Variants in KIRREL3 observed in about 807,000 individuals in gnomAD.
KIRREL3 encodes kin of IRRE-like protein 3.
A neutral mutation model predicts 89.7 loss-of-function variants in KIRREL3; 36 were observed. The ratio of observed to expected loss-of-function variants is 0.40; its 90% CI spans 0.31 to 0.53. The LOEUF (loss-of-function observed/expected upper bound fraction) is 0.53, where lower values mean the gene tolerates loss of function less well. Ranked by LOEUF, KIRREL3 falls within the 20% of genes least tolerant of loss-of-function variation. The probability of loss-of-function intolerance (pLI) is 0.49; values close to 1 mark genes in which losing one functional copy is unlikely to be tolerated. For missense variants in KIRREL3, 864 were observed against 1,056.6 expected (o/e 0.82, Z 2.53); for synonymous variants, 445 against 441.4 (o/e 1.01, Z -0.10).
In KIRREL3 at chr11:126,641,397, C is replaced by T. The variant is rs1944463951; in HGVS notation, c.56-78485G>A. Among the ~76,000 whole-genome samples, 1 of 112,346 alleles carries T rather than the reference C, an allele frequency of 8.9e-6. No individual in the cohort carries two copies. The highest frequency in any genetic ancestry group is 1.9e-5 in the Non-Finnish European group (1 of 52,548). 73.7% of individuals were successfully genotyped at this position (112,346 alleles called of 152,430 possible). Reference sequence around the variant, plus strand: ...GAGCCTCTTGGTGGTCACAAAGCTACTTGCCACTCTCATCAGATCAGGGTG... The same window carrying T: ...GAGCCTCTTGGTGGTCACAAAGCTATTTGCCACTCTCATCAGATCAGGGTG... On this transcript the variant is annotated intron_variant, in intron 1 of 16. Coordinates refer to ENST00000525144, the MANE Select transcript of KIRREL3 (RefSeq NM_032531.4). This position sits in a 1 kb window ranked among gnomAD's most constrained non-coding sequence, Gnocchi z 5.0.
intron 1 of KIRREL3, among the ~76,000 whole-genome samples, chr11:126,604,829 C>T (rs1942820973): frequency 6.6e-6 from 1 of 152,156 alleles, no homozygotes; most frequent in African/African-American, 2.4e-5. Flanking sequence ...CTAGACTCAC[C>T]CCAGAGCTGC....
chr11:126,659,299 T>C (rs1027181964), intron 1 of KIRREL3, among the ~76,000 whole-genome samples: 10 of 152,244 alleles, frequency 6.6e-5, no homozygotes, highest in Non-Finnish European at 1.5e-4. Flanking sequence ...TGACACCTCA[T>C]AGGATTAAGA....
rs561760921 is a variant in KIRREL3 at position 126,515,406 on chromosome 11, T to G, written c.433+5909A>C. Among the ~76,000 whole-genome samples, 64 of 152,136 alleles carry G rather than the reference T, an allele frequency of 4.2e-4. No homozygotes were observed. The South Asian group carries it at 0.013, about 31-fold the overall frequency. ...TCGAGGCTGCAGTGAGCCATAATAG[T>G]GCCACTGCACTTCAGTCTGGATGAC... On this transcript the variant is annotated intron_variant, in intron 4 of 16. Transcript: ENST00000525144. This position sits in a 1 kb window ranked among gnomAD's most constrained non-coding sequence, Gnocchi z 4.2.
In KIRREL3 at chr11:126,541,692, A is replaced by G. The variant is rs1938379417; in HGVS notation, c.134-15005T>C. 6.6e-6 allele frequency among the ~76,000 whole-genome samples: 1 copy of G among 152,174 alleles called. No individual in the cohort carries two copies. The highest frequency in any genetic ancestry group is 2.4e-5 in the African/African-American group (1 of 41,434). ...GCTGGGTCAAGGAATCTGCATTTTA[A>G]TAGCTTCTGGGTCATCCTTCTGCAG... On this transcript the variant is annotated intron_variant, in intron 2 of 16. Transcript: ENST00000525144. The surrounding 1 kb of genome is among the most constrained non-coding windows in gnomAD (Gnocchi z 4.8).
intron 7 of KIRREL3, among the ~76,000 whole-genome samples, chr11:126,450,395 ATGTGTGAGTG>A (rs1241357924): frequency 8.6e-6 from 1 of 116,212 alleles, no homozygotes; most frequent in Admixed American, 8.7e-5. Flanking sequence ...GAGTGTGGGT[ATGTGTGAGTG>A]TGTGCATGTG....
At chr11:126,881,685 T>C (rs1945503763) in intron 1 of KIRREL3, among the ~76,000 whole-genome samples, 1 of 152,142 alleles carries the variant, frequency 6.6e-6, no homozygotes, top group Admixed American at 6.5e-5. Flanking sequence ...GTAGCTGTGA[T>C]TACAGGTACC....
At chr11:126,716,128 G>A (rs910058771) in intron 1 of KIRREL3, among the ~76,000 whole-genome samples, 12 of 151,942 alleles carry the variant, frequency 7.9e-5, no homozygotes, top group African/African-American at 2.9e-4. Flanking sequence ...AGACAGGAGG[G>A]GAGAAGGAGG....
Position 126,883,112 on chromosome 11 carries a change from T to G in KIRREL3, c.55+117343A>C, listed in dbSNP as rs1166820316. ...TGACAGCAGGTAGGGTTTGTTACTT[T>G]AATTCACTTTGCCTTTCTCTTCTGA... On this transcript the variant is annotated intron_variant, in intron 1 of 16. Coordinates refer to ENST00000525144, the MANE Select transcript of KIRREL3 (RefSeq NM_032531.4). The surrounding 1 kb of genome is among the most constrained non-coding windows in gnomAD (Gnocchi z 4.1). Among the ~76,000 whole-genome samples, 1 of 152,226 alleles carries G rather than the reference T, an allele frequency of 6.6e-6. No individual in the cohort carries two copies. The highest frequency in any genetic ancestry group is 2.4e-5 in the African/African-American group (1 of 41,464).
rs905772086 is a variant in KIRREL3 at position 126,508,577 on chromosome 11, C to T, written c.433+12738G>A. Among the ~76,000 whole-genome samples, 1 of 152,052 alleles carries T rather than the reference C, an allele frequency of 6.6e-6. No homozygotes were observed. The highest frequency in any genetic ancestry group is 1.9e-4 in the East Asian group (1 of 5,168). ...GCAGGGCTCCTGGAGTTCCCAGGGG[C>T]TAGGAAGAAACCTGTTTCATAGTGA... On this transcript the variant is annotated intron_variant, in intron 4 of 16. Transcript: ENST00000525144. This position sits in a 1 kb window ranked among gnomAD's most constrained non-coding sequence, Gnocchi z 4.9.
At chr11:126,974,852 T>C (rs1949525105) in intron 1 of KIRREL3, among the ~76,000 whole-genome samples, 1 of 152,152 alleles carries the variant, frequency 6.6e-6, no homozygotes, top group Admixed American at 6.5e-5. Flanking sequence ...ACTACAGGTG[T>C]GCACCACCAT....
Position 126,474,758 on chromosome 11 carries a change from G to C in KIRREL3, c.434-1292C>G, listed in dbSNP as rs1957018428. ...TGCTGGGGAAACTCCACTGACATTT[G>C]CTGGCCCCACTGGGGTCACCCTTTG... is the stretch of plus-strand genomic sequence containing the variant. On this transcript the variant is annotated intron_variant, in intron 4 of 16. Coordinates refer to ENST00000525144, the MANE Select transcript of KIRREL3 (RefSeq NM_032531.4). The surrounding 1 kb of genome is among the most constrained non-coding windows in gnomAD (Gnocchi z 6.7). Among the ~76,000 whole-genome samples the C allele has an allele frequency of 6.6e-6, 1 of 152,212 alleles. No homozygotes were observed. Among genetic ancestry groups the C allele is most frequent in the Admixed American group, 6.5e-5 (1 of 15,278 alleles).
rs77339651 is a variant in KIRREL3 at position 126,591,539 on chromosome 11, T to C, written c.56-28627A>G. Among the ~76,000 whole-genome samples, 182 of 152,294 alleles carry C rather than the reference T, an allele frequency of 1.2e-3. 3 individuals carry two copies. In the East Asian group the frequency reaches 0.033, roughly 28 times the overall value. On this transcript the variant is annotated intron_variant, in intron 1 of 16. Transcript: ENST00000525144. ...CTTGCCCAAGATCTCAGACATGCTC[T>C]TCCTGTCCAGCCTTGTGTATACCAG...
rs1045371544 is a variant in KIRREL3 at position 126,459,733 on chromosome 11, T to C, written c.743-3279A>G. ...ATCCGCCCGTGTGTGCGTGTGTCCA[T>C]GTGTGTGTGTTTTCAGGGGAAGTAT... On this transcript the variant is annotated intron_variant, in intron 6 of 16. Coordinates refer to ENST00000525144, the MANE Select transcript of KIRREL3 (RefSeq NM_032531.4). The surrounding 1 kb of genome is among the most constrained non-coding windows in gnomAD (Gnocchi z 4.8). Among the ~76,000 whole-genome samples, 2 of 152,118 alleles carry C rather than the reference T, an allele frequency of 1.3e-5. No homozygotes were observed. Among genetic ancestry groups the C allele is most frequent in the Non-Finnish European group, 2.9e-5 (2 of 68,028 alleles).
intron 1 of KIRREL3, among the ~76,000 whole-genome samples, chr11:126,836,089 C>T (rs866983482): frequency 3.3e-5 from 5 of 152,204 alleles, no homozygotes; most frequent in African/African-American, 1.2e-4. Flanking sequence ...CAGATGCTTT[C>T]CTGTGTTCTT....
In KIRREL3 at chr11:126,477,972, A is replaced by G. The variant is rs912699444; in HGVS notation, c.434-4506T>C. On this transcript the variant is annotated intron_variant, in intron 4 of 16. Coordinates refer to ENST00000525144, the MANE Select transcript of KIRREL3 (RefSeq NM_032531.4). The surrounding 1 kb of genome is among the most constrained non-coding windows in gnomAD (Gnocchi z 4.8). ...CCCACAATGCTGGCAGAGTGGGTCT[A>G]TCACCAACACCAAACCCTCCAGGGG... 3.9e-5 allele frequency among the ~76,000 whole-genome samples: 6 copies of G among 152,216 alleles called. No individual in the cohort carries two copies. Among genetic ancestry groups the G allele is most frequent in the East Asian group, 1.9e-4 (1 of 5,196 alleles).
At chr11:126,536,772 G>A (rs1450494322) in intron 2 of KIRREL3, among the ~76,000 whole-genome samples, 4 of 149,844 alleles carry the variant, frequency 2.7e-5, no homozygotes, top group African/African-American at 9.8e-5. Context: ...AGCCTCCAAA[G>A]TAGCCGAGAC....
chr11:126,785,208 G>GT (rs1007019210), intron 1 of KIRREL3, among the ~76,000 whole-genome samples: 2 of 152,160 alleles, frequency 1.3e-5, no homozygotes, highest in South Asian at 2.1e-4. Context: ...TCAGAGAGTT[G>GT]TTTTTTGTCA....
chr11:126,622,645 C>T lies in KIRREL3; in HGVS notation c.56-59733G>A, dbSNP rs1211029809. ...CGGAGGTTGCAGTGAGCTGAGATCA[C>T]GCCAGTGCACTCCAGCCTGGGCGAC... On this transcript the variant is annotated intron_variant, in intron 1 of 16. Transcript: ENST00000525144. The surrounding 1 kb of genome is among the most constrained non-coding windows in gnomAD (Gnocchi z 5.2). Among the ~76,000 whole-genome samples, 11 of 152,112 alleles carry T rather than the reference C, an allele frequency of 7.2e-5. No homozygotes were observed. Among genetic ancestry groups the T allele is most frequent in the South Asian group, 2.1e-4 (1 of 4,832 alleles).
At position 126,870,084 on chromosome 11, in the gene KIRREL3, G is replaced by T. The variant is rs1366960647; in HGVS notation, c.55+130371C>A. Among the ~76,000 whole-genome samples the T allele has an allele frequency of 2.0e-5, 3 of 152,152 alleles. No individual in the cohort carries two copies. Among genetic ancestry groups the T allele is most frequent in the African/African-American group, 7.2e-5 (3 of 41,434 alleles). On this transcript the variant is annotated intron_variant, in intron 1 of 16. Coordinates refer to ENST00000525144, the MANE Select transcript of KIRREL3 (RefSeq NM_032531.4). This position sits in a 1 kb window ranked among gnomAD's most constrained non-coding sequence, Gnocchi z 4.4. ...AGTTCATTGGGCCCATGTACAGCTG[G>T]CACTTCCTTTGAATCAGGGGCCCAT...
Sources: gnomAD v4.1 joint callset for allele counts (sites outside exome capture counted in the v4.1 genomes callset) on GRCh38, gnomAD v4.1.1 for gene constraint, Gnocchi (gnomAD v3.1) non-coding constraint, MANE v1.5 for transcripts, NCBI Gene and HGNC (gene_info 2026-07-23, HGNC 2026-07-21) for gene names.